The following SLC35D1 variants were observed in gnomAD, a reference collection of about 807,000 sequenced individuals.
SLC35D1 encodes the protein nucleotide sugar transporter SLC35D1.
Under a neutral mutation model 46.7 loss-of-function variants are expected in SLC35D1, and 31 were observed. The observed-to-expected ratio is 0.66, with a 90% confidence interval of 0.50 to 0.90. The LOEUF (loss-of-function observed/expected upper bound fraction) is 0.90, where lower values mean the gene tolerates loss of function less well. SLC35D1 is among the 40% of genes least tolerant of loss of function. The pLI, the probability that SLC35D1 is intolerant of heterozygous loss-of-function variation, is 0.00. For missense variants in SLC35D1, 397 were observed against 426.2 expected (o/e 0.93, Z 0.60); for synonymous variants, 195 against 164.6 (o/e 1.18, Z -1.41).
At chr1:67,019,922 C>CA (rs1208801741) in intron 10 of SLC35D1, among the ~76,000 whole-genome samples, 4 of 152,238 alleles carry the variant, frequency 2.6e-5, no homozygotes, top group African/African-American at 9.6e-5. Flanking sequence ...ACACAGCTTT[C>CA]AAAAGTGAGC....
At chr1:66,984,890 C>T in the SLC35D1 span, 36 of 1,585,166 alleles carry the variant, frequency 2.3e-5, no homozygotes, top group Middle Eastern at 1.7e-4. Flanking sequence ...CTTGAAAACA[C>T]AGATGACTAA....
chr1:67,035,923 A>G (rs1304567907), intron 8 of SLC35D1, among the ~76,000 whole-genome samples: 1 of 149,526 alleles, frequency 6.7e-6, no homozygotes, highest in Non-Finnish European at 1.5e-5. Context: ...AAAATTTTTT[A>G]ATTTCCATCT....
At chr1:66,994,940 GA>G (rs1667222774), downstream of SLC35D1, among the ~76,000 whole-genome samples, 10 of 140,016 alleles carry the variant, frequency 7.1e-5, no homozygotes, top group Admixed American at 7.0e-4. Flanking sequence ...AAAAAAAGAA[GA>G]AACAACTTTA....
rs1307255659 is a variant in SLC35D1 at position 67,002,253 on chromosome 1, T to A, written c.*2087A>T. On this transcript the variant is annotated 3_prime_UTR_variant, in exon 12 of 12. Transcript: ENST00000235345. ...AACTAAAGTCAGCCTGGAAGTGGGA[T>A]AAGGGTTCCAGGACAGGGTAAGCTG... is the stretch of plus-strand genomic sequence containing the variant. 1.3e-5 allele frequency: 2 copies of A among 152,364 alleles called. No homozygotes were observed. Among genetic ancestry groups the A allele is most frequent in the East Asian group, 3.7e-4 (2 of 5,334 alleles). 9.4% of individuals were successfully genotyped at this position (152,364 alleles called of 1,614,324 possible). A position where few individuals can be genotyped will look rare whatever the true frequency, so the allele number is the denominator to read the frequency against.
At chr1:67,052,112 A>G (rs1019660502) in intron 3 of SLC35D1, 33 bp from the exon 4 acceptor site, 5 of 1,372,046 alleles carry the variant, frequency 3.6e-6, no homozygotes, top group Non-Finnish European at 5.2e-6. Context: ...ACAAAACTCA[A>G]TAATAAAGAT....
At chr1:66,979,261 G>A in the SLC35D1 span, among the ~76,000 whole-genome samples, 3 of 152,114 alleles carry the variant, frequency 2.0e-5, no homozygotes, top group Non-Finnish European at 4.4e-5. Flanking sequence ...ATCTCTTTCT[G>A]TTAATAGCTG....
chr1:67,053,704 T>C, intron 1 of SLC35D1, 107 bp downstream of exon 1: 1 of 1,096,792 alleles, frequency 9.1e-7, no homozygotes, highest in Non-Finnish European at 1.2e-6. Context: ...CCCGCCCAAC[T>C]TTGTTCGGCT....
chr1:67,004,283 A>G lies in SLC35D1; in HGVS notation c.*57T>C. ...CCTCAGTGTCTCTGTAGGAACTGCC[A>G]GTGTTCTGAGTTGATTAAAAACTTA... On this transcript the variant is annotated 3_prime_UTR_variant, in exon 12 of 12. Coordinates refer to ENST00000235345, the MANE Select transcript of SLC35D1 (RefSeq NM_015139.3). The G allele has an allele frequency of 1.4e-6, 2 of 1,405,218 alleles. No homozygotes were observed. Among genetic ancestry groups the G allele is most frequent in the Non-Finnish European group, 1.0e-6 (1 of 990,424 alleles). The allele number at this position is 1,405,218 out of a possible 1,614,324, so 87.0% of individuals were successfully genotyped here. A position where few individuals can be genotyped will look rare whatever the true frequency, so the allele number is the denominator to read the frequency against.
the SLC35D1 span, chr1:66,988,344 C>T: frequency 2.6e-5 from 4 of 152,112 alleles, no homozygotes; most frequent in Non-Finnish European, 5.9e-5. Flanking sequence ...TCTTTAATAT[C>T]AAGTTCATCC....
At position 67,054,029 on chromosome 1, in the gene SLC35D1, G is replaced by C. The variant is rs1412060395; in HGVS notation, c.-16C>G. On this transcript the variant is annotated 5_prime_UTR_variant, in exon 1 of 12. Coordinates refer to ENST00000235345, the MANE Select transcript of SLC35D1 (RefSeq NM_015139.3). The stretch of plus-strand genomic sequence containing the variant: ...CTTCCGCCATGGCTGCCGCAGCAGC[G>C]GTGGCCTGGCGGCGGGGCCTAGCGG... The C allele has an allele frequency of 1.2e-6, 2 of 1,605,602 alleles. No homozygotes were observed. Among genetic ancestry groups the C allele is most frequent in the Non-Finnish European group, 1.7e-6 (2 of 1,176,180 alleles).
At chr1:67,007,485 GTAACATT>G (rs1301016908) in intron 11 of SLC35D1, among the ~76,000 whole-genome samples, 19 of 151,070 alleles carry the variant, frequency 1.3e-4, no homozygotes, top group Admixed American at 1.1e-3. Flanking sequence ...AGCAAGGAAT[GTAACATT>G]ATGAAAGAGG....
intron 7 of SLC35D1, among the ~76,000 whole-genome samples, chr1:67,045,696 G>A (rs1326904071): frequency 6.6e-6 from 1 of 151,986 alleles, no homozygotes; most frequent in Non-Finnish European, 1.5e-5. Flanking sequence ...GTACTAATAT[G>A]GTAGCCACTA....
chr1:67,046,800 AAG>A (rs1381662919), intron 7 of SLC35D1, among the ~76,000 whole-genome samples: 7 of 152,196 alleles, frequency 4.6e-5, no homozygotes, highest in Non-Finnish European at 8.8e-5. Flanking sequence ...TGTTGCCCCT[AAG>A]AGAGACAGAG....
the SLC35D1 span, chr1:66,987,784 G>A: frequency 6.6e-6 from 1 of 152,098 alleles, no homozygotes; most frequent in African/African-American, 2.4e-5. Flanking sequence ...TACACAGTCT[G>A]TTTCTTCTAT....
In SLC35D1 at chr1:67,008,511, C is replaced by T; in HGVS notation, c.959+574G>A. The T allele has an allele frequency of 4.0e-6, 5 of 1,238,570 alleles. No homozygotes were observed. In the Admixed American group the frequency reaches 7.4e-5, roughly 18 times the overall value. 76.7% of individuals were successfully genotyped at this position (1,238,570 alleles called of 1,614,324 possible). A position where few individuals can be genotyped will look rare whatever the true frequency, so the allele number is the denominator to read the frequency against. On this transcript the variant is annotated intron_variant, in intron 11 of 11. Coordinates refer to ENST00000235345, the MANE Select transcript of SLC35D1 (RefSeq NM_015139.3). ...CTGAGACAGGGGCCTTGTTAGAATA[C>T]TGCAAATCTGAATGGAACGTGCCGA...
rs903392760 is a variant in SLC35D1, at chr1:67,003,670, C to T, written c.*670G>A. 6.5e-6 allele frequency: 1 copy of T among 152,754 alleles called. No individual in the cohort carries two copies. The highest frequency in any genetic ancestry group is 1.5e-5 in the Non-Finnish European group (1 of 68,400). The allele number at this position is 152,754 out of a possible 1,614,324, so 9.5% of individuals were successfully genotyped here. Reference sequence around the variant, plus strand: ...AAATAGATGAAAAATTAGTAAAAGGCCTACTTTCTCACCCCCTTCATTATC... The same window carrying T: ...AAATAGATGAAAAATTAGTAAAAGGTCTACTTTCTCACCCCCTTCATTATC... On this transcript the variant is annotated 3_prime_UTR_variant, in exon 12 of 12. Transcript: ENST00000235345.
the SLC35D1 span, chr1:66,986,369 T>C: frequency 3.5e-5 from 56 of 1,600,114 alleles, no homozygotes; most frequent in Non-Finnish European, 4.7e-5. Context: ...CAAACTTTTA[T>C]AAAATATTAA....
intron 8 of SLC35D1, among the ~76,000 whole-genome samples, chr1:67,036,151 C>A (rs937295175): frequency 6.6e-6 from 1 of 152,184 alleles, no homozygotes; most frequent in East Asian, 1.9e-4. Flanking sequence ...GAATGTGTAT[C>A]CTGCAGCCAC....
intron 6 of SLC35D1, 62 bp from the exon 7 acceptor site, chr1:67,047,429 A>T: frequency 7.6e-7 from 1 of 1,317,942 alleles, no homozygotes; most frequent in Non-Finnish European, 1.1e-6. Flanking sequence ...TTTTAAATAG[A>T]TATAAGCTAA....
Sources: gnomAD v4.1 joint callset for allele counts (sites outside exome capture counted in the v4.1 genomes callset) on GRCh38, gnomAD v4.1.1 for gene constraint, MANE v1.5 for transcripts, NCBI Gene and HGNC (gene_info 2026-07-23, HGNC 2026-07-21) for gene names.